The following PML variants were observed in gnomAD, a reference collection of about 807,000 sequenced individuals.
PML encodes protein PML.
PML carries 28 observed loss-of-function variants against 65.2 expected under a neutral mutation model. That is an observed-to-expected ratio of 0.43 (90% CI 0.32 to 0.59). The LOEUF is 0.59. Among genes scored for constraint, PML ranks in the 20% least tolerant of loss-of-function variants. PML has a pLI of 0.08. For missense variants in PML, 1,021 were observed against 1,203.4 expected (o/e 0.85, Z 2.24); for synonymous variants, 500 against 508.8 (o/e 0.98, Z 0.23).
intron 6 of PML, 196 bp from the exon 7 acceptor site, chr15:74,034,282 A>G: frequency 1.4e-6 from 1 of 690,480 alleles, no homozygotes; most frequent in Non-Finnish European, 2.6e-6. Context: ...AATTATGGAA[A>G]CCCATTTGTG....
chr15:74,024,580 G>A (rs189433199), intron 3 of PML, among the ~76,000 whole-genome samples: 26 of 152,314 alleles, frequency 1.7e-4, no homozygotes, highest in African/African-American at 6.0e-4. Flanking sequence ...CTTGCTGTTG[G>A]CTCAGAGATG....
chr15:74,032,764 A>G (rs1323597179), intron 5 of PML, 49 bp downstream of exon 5: 5 of 1,595,950 alleles, frequency 3.1e-6, no homozygotes, highest in Non-Finnish European at 4.3e-6. Flanking sequence ...CCTGAGTTCC[A>G]CCAGGAAAGT....
In PML at chr15:74,037,133, G is replaced by A. The variant is rs2071588650; in HGVS notation, c.1710+2603G>A. ...GCCTGTGACTGCTAAGGGCTCCTTG[G>A]TGCTCCGCCCAGCATGTCCTTTTGC... On this transcript the variant is annotated intron_variant, in intron 7 of 8. Coordinates refer to ENST00000268058, the MANE Select transcript of PML (RefSeq NM_033238.3). The surrounding 1 kb of genome is among the most constrained non-coding windows in gnomAD (Gnocchi z 4.2). 1 of 985,396 alleles carries A rather than the reference G, an allele frequency of 1.0e-6. No individual in the cohort carries two copies. The highest frequency in any genetic ancestry group is 1.2e-6 in the Non-Finnish European group (1 of 829,922). The allele number at this position is 985,396 out of a possible 1,614,324, so 61.0% of individuals were successfully genotyped here.
chr15:74,025,689 TAG>T (rs1016093415), intron 4 of PML: 1 of 152,324 alleles, frequency 6.6e-6, no homozygotes, highest in African/African-American at 2.4e-5. Context: ...TGCTCTGACT[TAG>T]AAAGTGCTTT....
chr15:74,039,932 T>C (rs2071658474), intron 7 of PML, among the ~76,000 whole-genome samples: 1 of 152,166 alleles, frequency 6.6e-6, no homozygotes, highest in Admixed American at 6.5e-5. Context: ...AGCCACTTCC[T>C]CTGAGCATGC....
At chr15:74,034,849 A>AGT in intron 7 of PML, 1 of 1,437,796 alleles carries the variant, frequency 7.0e-7, no homozygotes, top group Non-Finnish European at 9.1e-7. Context: ...CTAAGTCCTC[A>AGT]GTGAGGAGGG....
chr15:74,013,434 C>T (rs1367678616), intron 2 of PML, among the ~76,000 whole-genome samples: 1 of 152,182 alleles, frequency 6.6e-6, no homozygotes, highest in East Asian at 1.9e-4. Context: ...TTGAGAATAT[C>T]AGAATTATTT....
chr15:74,040,392 C>A (rs2071668861), intron 7 of PML, among the ~76,000 whole-genome samples: 1 of 152,176 alleles, frequency 6.6e-6, no homozygotes, highest in African/African-American at 2.4e-5. Context: ...CTCTTCCAAG[C>A]AAATCTAAGT....
rs117222641 is a variant in PML, at chr15:74,015,334, T to C, written c.603-7494T>C. 2.7e-3 allele frequency among the ~76,000 whole-genome samples: 410 copies of C among 152,340 alleles called. 5 individuals carry two copies. The East Asian group carries it at 0.037, about 14-fold the overall frequency. Reference sequence around the variant, plus strand: ...TGCATTCATACTACTGTATAAATGATTGATGGATCCTTTTAACTGTAGTTA... The same window carrying C: ...TGCATTCATACTACTGTATAAATGACTGATGGATCCTTTTAACTGTAGTTA... On this transcript the variant is annotated intron_variant, in intron 2 of 8. Coordinates refer to ENST00000268058, the MANE Select transcript of PML (RefSeq NM_033238.3).
At chr15:74,039,847 C>A (rs3784556) in intron 7 of PML, among the ~76,000 whole-genome samples, 22,116 of 152,092 alleles carry the variant, frequency 0.15, 1,813 homozygotes, top group South Asian at 0.25. Flanking sequence ...GGTGTAATAC[C>A]GCAGAGGAGG....
At chr15:74,044,153 A>G (rs2071743554) in intron 8 of PML, 68 bp from the exon 9 acceptor site, 1 of 1,512,926 alleles carries the variant, frequency 6.6e-7, no homozygotes. Context: ...GCCCTAGAGG[A>G]CCCCCTGCTC....
intron 2 of PML, among the ~76,000 whole-genome samples, chr15:74,017,489 A>G (rs1403743813): frequency 1.3e-5 from 2 of 151,754 alleles, no homozygotes; most frequent in African/African-American, 4.8e-5. Context: ...TCTACTGAAA[A>G]TACAAAAGAA....
At chr15:74,010,759 C>T (rs2070298991) in intron 2 of PML, among the ~76,000 whole-genome samples, 1 of 152,104 alleles carries the variant, frequency 6.6e-6, no homozygotes, top group African/African-American at 2.4e-5. Context: ...TGTGTGCAGA[C>T]TTGTACTCTA....
chr15:73,996,158 T>C (rs1319418460), intron 1 of PML, among the ~76,000 whole-genome samples: 2 of 152,224 alleles, frequency 1.3e-5, no homozygotes, highest in African/African-American at 4.8e-5. Flanking sequence ...TTCACAATAT[T>C]GTGTAACCAT....
chr15:74,035,437 T>C lies in PML; in HGVS notation c.1710+907T>C. 2 of 1,612,372 alleles carry C rather than the reference T, an allele frequency of 1.2e-6. No individual in the cohort carries two copies. The highest frequency in any genetic ancestry group is 1.7e-6 in the Non-Finnish European group (2 of 1,179,988). On this transcript the variant is annotated intron_variant, in intron 7 of 8. Transcript: ENST00000268058. The surrounding 1 kb of genome is among the most constrained non-coding windows in gnomAD (Gnocchi z 4.1). Reference sequence around the variant, plus strand: ...GTCCACCGTGGGATCCGCTACCTGTTGTACAGAGCACAGAGAGCCATCCGC... The same window carrying C: ...GTCCACCGTGGGATCCGCTACCTGTCGTACAGAGCACAGAGAGCCATCCGC...
At chr15:74,027,332 G>T (rs892330414) in intron 4 of PML, 1 of 152,018 alleles carries the variant, frequency 6.6e-6, no homozygotes, top group Non-Finnish European at 1.5e-5. Context: ...TGGGCAGATT[G>T]CTTGAGCCCA....
chr15:74,029,630 AAAAG>A lies in PML; in HGVS notation c.1255-2930_1255-2927del, dbSNP rs138270935. On this transcript the variant is annotated intron_variant, in intron 4 of 8. Transcript: ENST00000268058. ...CAAGAGCAAGACTCTGCCTCAAAAA[AAAAG>A]AAAGAAAGAAAAAAGTTTTACAGAA... Among the ~76,000 whole-genome samples the A allele has an allele frequency of 4.0e-3, 607 of 152,360 alleles. 3 individuals carry two copies. Among genetic ancestry groups the A allele is most frequent in the African/African-American group, 0.014 (581 of 41,578 alleles).
intron 4 of PML, among the ~76,000 whole-genome samples, chr15:74,031,766 A>C (rs1214660028): frequency 6.6e-6 from 1 of 152,248 alleles, no homozygotes; most frequent in Non-Finnish European, 1.5e-5. Context: ...TAGGTACATG[A>C]AGCACTTAGC....
chr15:74,017,289 C>G (rs542034299), intron 2 of PML, among the ~76,000 whole-genome samples: 20 of 152,306 alleles, frequency 1.3e-4, no homozygotes, highest in Non-Finnish European at 2.5e-4. Flanking sequence ...ATTCCTGCCC[C>G]CTACCCTCCT....
Sources: gnomAD v4.1 joint callset for allele counts (sites outside exome capture counted in the v4.1 genomes callset) on GRCh38, gnomAD v4.1.1 for gene constraint, Gnocchi (gnomAD v3.1) non-coding constraint, MANE v1.5 for transcripts, NCBI Gene and HGNC (gene_info 2026-07-23, HGNC 2026-07-21) for gene names.